The following ZNF512 variants were observed in gnomAD, a reference collection of about 807,000 sequenced individuals.
ZNF512 encodes the protein zinc finger protein 512.
Under a neutral mutation model 77.5 loss-of-function variants are expected in ZNF512, and 25 were observed. The ratio of observed to expected loss-of-function variants is 0.32; its 90% CI spans 0.23 to 0.45. The LOEUF (loss-of-function observed/expected upper bound fraction) is 0.45, where lower values mean the gene tolerates loss of function less well. ZNF512 is among the 20% of genes least tolerant of loss of function. The pLI is 1.00. For missense variants in ZNF512, 483 were observed against 692.6 expected (o/e 0.70, Z 3.40); for synonymous variants, 246 against 239.9 (o/e 1.03, Z -0.24).
chr2:27,621,512 C>T lies in ZNF512; in HGVS notation c.*51C>T, dbSNP rs747414101. 150 of 1,534,308 alleles carry T rather than the reference C, an allele frequency of 9.8e-5. No individual in the cohort carries two copies. Among genetic ancestry groups the T allele is most frequent in the Non-Finnish European group, 1.2e-4 (134 of 1,144,698 alleles). On this transcript the variant is annotated 3_prime_UTR_variant, in exon 14 of 14. Transcript: ENST00000355467. Reference sequence around the variant, plus strand: ...GAAAGCAGATGTGATGCTGTTGTCACGGGGACCTGTGCTGGGAGGACTGAG... The same window carrying T: ...GAAAGCAGATGTGATGCTGTTGTCATGGGGACCTGTGCTGGGAGGACTGAG...
At chr2:27,615,471 G>T (rs1158954586) in intron 11 of ZNF512, among the ~76,000 whole-genome samples, 1 of 152,192 alleles carries the variant, frequency 6.6e-6, no homozygotes, top group Non-Finnish European at 1.5e-5. Context: ...AGCTGGAATC[G>T]CTCATAAAAG....
At chr2:27,608,117 C>T (rs957910106) in intron 10 of ZNF512, 78 bp downstream of exon 10, 14 of 1,348,622 alleles carry the variant, frequency 1.0e-5, no homozygotes, top group Non-Finnish European at 1.3e-5. Flanking sequence ...AGTAAATGCA[C>T]TTGAGGAAGT....
chr2:27,616,687 C>A (rs1418093035), intron 12 of ZNF512, among the ~76,000 whole-genome samples: 1 of 152,224 alleles, frequency 6.6e-6, no homozygotes, highest in Non-Finnish European at 1.5e-5. Context: ...AATCACCTTA[C>A]ATGTGCTTAC....
chr2:27,615,418 T>C, intron 11 of ZNF512, 149 bp downstream of exon 11: 1 of 533,270 alleles, frequency 1.9e-6, no homozygotes, highest in East Asian at 3.3e-5. Flanking sequence ...GCAATAATTC[T>C]GTAAAGGCTC....
At chr2:27,597,414 T>C (rs1572913856) in intron 2 of ZNF512, among the ~76,000 whole-genome samples, 1 of 152,334 alleles carries the variant, frequency 6.6e-6, no homozygotes, top group South Asian at 2.1e-4. Flanking sequence ...CCTAGAAGAA[T>C]GTCTGATGCT....
At chr2:27,617,885 A>C (rs1277930187) in intron 13 of ZNF512, among the ~76,000 whole-genome samples, 9 of 144,062 alleles carry the variant, frequency 6.2e-5, no homozygotes, top group South Asian at 2.3e-4. Flanking sequence ...ACTCCAGCCT[A>C]GGCAACAGAG....
intron 9 of ZNF512, among the ~76,000 whole-genome samples, chr2:27,606,675 T>G (rs1297608986): frequency 6.6e-6 from 1 of 152,168 alleles, no homozygotes; most frequent in African/African-American, 2.4e-5. Flanking sequence ...GTGTATAATT[T>G]TCTGTTGCTA....
Position 27,583,071 on chromosome 2 carries a change from C to T in ZNF512, c.-42C>T, listed in dbSNP as rs200004360. 1.7e-5 allele frequency: 27 copies of T among 1,613,778 alleles called. No individual in the cohort carries two copies. The highest frequency in any genetic ancestry group is 2.2e-5 in the South Asian group (2 of 91,062). On this transcript the variant is annotated 5_prime_UTR_variant, in exon 1 of 14. Coordinates refer to ENST00000355467, the MANE Select transcript of ZNF512 (RefSeq NM_032434.4). ...GAGAGCGGAAGTGGCGTTGGTCTGG[C>T]CGGAGCCCTTGGGTGAAATTGTTAG...
At chr2:27,586,480 T>C (rs1671335804) in intron 2 of ZNF512, among the ~76,000 whole-genome samples, 1 of 150,986 alleles carries the variant, frequency 6.6e-6, no homozygotes, top group South Asian at 2.1e-4. Context: ...TTCGCCCATC[T>C]TGGCCTTCCA....
intron 9 of ZNF512, 140 bp from the exon 10 acceptor site, chr2:27,607,705 A>G (rs1238558348): frequency 1.3e-6 from 1 of 761,090 alleles, no homozygotes; most frequent in African/African-American, 1.8e-5. Flanking sequence ...ATACATTAAT[A>G]TGGTGGAACT....
At chr2:27,597,462 G>A (rs1671924596) in intron 2 of ZNF512, among the ~76,000 whole-genome samples, 1 of 152,200 alleles carries the variant, frequency 6.6e-6, no homozygotes, top group Non-Finnish European at 1.5e-5. Flanking sequence ...CTGTCATACT[G>A]ACTGGTCTTA....
chr2:27,595,327 G>A (rs1268380219), intron 2 of ZNF512, among the ~76,000 whole-genome samples: 1 of 142,384 alleles, frequency 7.0e-6, no homozygotes, highest in African/African-American at 2.7e-5. Context: ...TTGAGATGGA[G>A]TCTCGCACTG....
intron 3 of ZNF512, 48 bp downstream of exon 3, chr2:27,598,302 T>C: frequency 6.4e-7 from 1 of 1,565,548 alleles, no homozygotes; most frequent in East Asian, 2.3e-5. Context: ...TTCCTAAAGT[T>C]ATAGTTTGAG....
At chr2:27,606,172 G>T (rs1032634323) in intron 9 of ZNF512, among the ~76,000 whole-genome samples, 1 of 151,936 alleles carries the variant, frequency 6.6e-6, no homozygotes, top group Non-Finnish European at 1.5e-5. Flanking sequence ...GAAGATTTTT[G>T]TTGTCTTATT....
intron 2 of ZNF512, among the ~76,000 whole-genome samples, chr2:27,586,942 C>A (rs956542882): frequency 6.6e-6 from 1 of 152,048 alleles, no homozygotes; most frequent in African/African-American, 2.4e-5. Flanking sequence ...TTATGGATAC[C>A]ATAATTTGTT....
rs199614081 is a variant in ZNF512, at chr2:27,602,488, T to C, written c.695T>C (p.Ile232Thr). 1.6e-5 allele frequency: 26 copies of C among 1,613,938 alleles called. No homozygotes were observed. Among genetic ancestry groups the C allele is most frequent in the Non-Finnish European group, 2.0e-5 (24 of 1,179,962 alleles). Residue 232 changes from isoleucine (I) to threonine (T), a missense_variant, in exon 8 of 14, where the codon ATA becomes ACA. This residue lies in a region of ZNF512 where 324 missense variants were observed against 525.0 expected (regional missense o/e 0.62). Transcript: ENST00000355467. ...CCCATTTTGAAAGCCGGAGATGAAA[T>C]AGATGAGCCAAGTGAGAGGGAAAGG... ...SLPILKAGDE[I>T]DEPSERERLR...
At chr2:27,586,829 T>G (rs1384942754) in intron 2 of ZNF512, among the ~76,000 whole-genome samples, 1 of 152,226 alleles carries the variant, frequency 6.6e-6, no homozygotes, top group African/African-American at 2.4e-5. Context: ...GGATTTTATA[T>G]AAATGAAGTC....
At chr2:27,616,173 A>G (rs1027102653) in intron 11 of ZNF512, 89 bp from the exon 12 acceptor site, 6 of 869,674 alleles carry the variant, frequency 6.9e-6, no homozygotes, top group South Asian at 3.4e-5. Flanking sequence ...TCTTCCTTCA[A>G]ATGTGGAGTT....
At chr2:27,617,593 G>A (rs778544880) in intron 13 of ZNF512, 22 bp downstream of exon 13, 2 of 879,656 alleles carry the variant, frequency 2.3e-6, no homozygotes, top group Non-Finnish European at 3.9e-6. Context: ...GTAATCCTGT[G>A]GGCCTGATAT....
Sources: gnomAD v4.1 joint callset for allele counts (sites outside exome capture counted in the v4.1 genomes callset) on GRCh38, gnomAD v4.1.1 for gene constraint, gnomAD v4.1.1 regional missense constraint, MANE v1.5 for transcripts, NCBI Gene and HGNC (gene_info 2026-07-23, HGNC 2026-07-21) for gene names.